Variants in SI observed in about 807,000 individuals in gnomAD.
SI encodes the protein sucrase-isomaltase.
Under a neutral mutation model 253.3 loss-of-function variants are expected in SI, and 235 were observed. The ratio of observed to expected loss-of-function variants is 0.93; its 90% CI spans 0.83 to 1.03. SI has a LOEUF of 1.03. Among genes scored for constraint, SI ranks in the 50% least tolerant of loss-of-function variants. SI has a pLI of 0.00. For synonymous variants in SI, 819 were observed against 712.0 expected, an observed-to-expected ratio of 1.15 and a Z score of -2.39; for missense variants, 2,442 against 2,211.1, an observed-to-expected ratio of 1.10 and a Z score of -2.09.
intron 13 of SI, among the ~76,000 whole-genome samples, chr3:165,050,259 GA>G (rs372223270): frequency 1.6e-3 from 238 of 152,202 alleles, no homozygotes; most frequent in African/African-American, 5.3e-3. Flanking sequence ...TAGTTTCTAT[GA>G]TGTGCTAAGC....
intron 15 of SI, 50 bp downstream of exon 15, chr3:165,049,077 A>G: frequency 9.7e-7 from 1 of 1,031,942 alleles, no homozygotes; most frequent in Non-Finnish European, 1.5e-6. Context: ...TATCAAAAAC[A>G]TTTTTAAGCA....
chr3:165,073,550 G>C (rs930177498), intron 3 of SI, among the ~76,000 whole-genome samples: 1 of 151,940 alleles, frequency 6.6e-6, no homozygotes, highest in Admixed American at 6.6e-5. Context: ...AAATTTTATA[G>C]TTTATTCAGT....
intron 13 of SI, among the ~76,000 whole-genome samples, chr3:165,054,989 C>T (rs1327811383): frequency 1.3e-5 from 2 of 151,934 alleles, no homozygotes; most frequent in Non-Finnish European, 2.9e-5. Flanking sequence ...AAAGAAAAAC[C>T]TTGATTGGCA....
At position 165,058,965 on chromosome 3, in the gene SI, C is replaced by T. The variant is rs755002054; in HGVS notation, c.1396G>A (p.Glu466Lys). The change falls in exon 12 of 48, where the codon GAG becomes AAG. Residue 466 changes from glutamate (E) to lysine (K), a missense_variant and splice_region_variant. Physicochemically the swap from Glu to Lys is moderately conservative, Grantham distance 56. Transcript: ENST00000264382. ...ESDGSTPIIG[E>K]VWPGLTVYPD... ...TTTTAATAAATATCATATTTTACCT[C>T]TCCAATAATTGGTGTACTTCCATCT... The T allele has an allele frequency of 6.2e-7, 1 of 1,610,498 alleles. No homozygotes were observed. The highest frequency in any genetic ancestry group is 8.5e-7 in the Non-Finnish European group (1 of 1,177,508).
At chr3:165,062,937 T>A (rs9812124) in intron 8 of SI, among the ~76,000 whole-genome samples, 88,690 of 151,918 alleles carry the variant, frequency 0.58, 26,269 homozygotes, top group East Asian at 0.82. Flanking sequence ...TGGAAAACCA[T>A]GTAATAAACT....
At chr3:165,025,007 A>G (rs1711831116) in intron 25 of SI, among the ~76,000 whole-genome samples, 1 of 151,200 alleles carries the variant, frequency 6.6e-6, no homozygotes, top group Non-Finnish European at 1.5e-5. Flanking sequence ...TCCATTCTAA[A>G]TGCTTTGTTC....
At chr3:165,029,593 T>C (rs957173128) in intron 25 of SI, among the ~76,000 whole-genome samples, 3 of 145,574 alleles carry the variant, frequency 2.1e-5, no homozygotes, top group Non-Finnish European at 4.6e-5. Flanking sequence ...TATATATGTA[T>C]ATATATACAT....
chr3:165,013,382 T>A (rs2108167487), intron 33 of SI, among the ~76,000 whole-genome samples: 1 of 152,222 alleles, frequency 6.6e-6, no homozygotes, highest in Non-Finnish European at 1.5e-5. Flanking sequence ...TATATTAGAA[T>A]TATTTGTAGA....
chr3:165,041,463 C>A (rs572586829), intron 17 of SI, among the ~76,000 whole-genome samples: 9 of 152,030 alleles, frequency 5.9e-5, no homozygotes, highest in East Asian at 1.9e-4. Context: ...GGGTGCCTAC[C>A]CAAGCTTCGA....
chr3:165,070,321 TATA>T (rs1043068599), intron 3 of SI, among the ~76,000 whole-genome samples: 1 of 139,968 alleles, frequency 7.1e-6, no homozygotes, highest in African/African-American at 2.6e-5. Flanking sequence ...ACATATATTA[TATA>T]TATAAAATCT....
chr3:165,086,431 C>G, the SI span, among the ~76,000 whole-genome samples: 5 of 152,154 alleles, frequency 3.3e-5, no homozygotes, highest in Non-Finnish European at 7.4e-5. Flanking sequence ...TCAAGACATG[C>G]TTTAATGAGA....
intron 44 of SI, among the ~76,000 whole-genome samples, chr3:164,989,374 A>AAGAG (rs1717602327): frequency 3.3e-5 from 2 of 60,188 alleles, no homozygotes; most frequent in Non-Finnish European, 8.2e-5. Flanking sequence ...GAAAGAAAGG[A>AAGAG]AGAAAGAAAG....
chr3:165,025,845 A>T (rs1490929350), intron 25 of SI, among the ~76,000 whole-genome samples: 2 of 151,410 alleles, frequency 1.3e-5, no homozygotes, highest in East Asian at 3.9e-4. Context: ...AGGAGCTCTA[A>T]ATCTTGAAAC....
chr3:165,088,917 C>A, the SI span, among the ~76,000 whole-genome samples: 1 of 151,806 alleles, frequency 6.6e-6, no homozygotes, highest in Non-Finnish European at 1.5e-5. Context: ...ACTATAAAAT[C>A]AATATTGCTT....
At position 165,021,230 on chromosome 3, in the gene SI, T is replaced by G. The variant is rs1366812988; in HGVS notation, c.3253A>C (p.Ile1085Leu). 6.2e-7 allele frequency: 1 copy of G among 1,609,670 alleles called. No individual in the cohort carries two copies. Among genetic ancestry groups the G allele is most frequent in the South Asian group, 1.1e-5 (1 of 91,022 alleles). ...ATATCAAATAATTCAATTACTTACA[T>G]GACTCTTCCACTGCTTCTCCGTCGA... Reference protein sequence around the residue: ...QIRRRSSGRVIWDSWLPGFAF... With the variant: ...QIRRRSSGRVLWDSWLPGFAF... Residue 1085 changes from isoleucine to leucine, a missense_variant and splice_region_variant, in exon 27 of 48, where the codon ATT becomes CTT. Transcript: ENST00000264382.
At chr3:165,075,812 A>AT (rs1209740543) in intron 2 of SI, 83 bp downstream of exon 2, 25 of 861,356 alleles carry the variant, frequency 2.9e-5, no homozygotes, top group Non-Finnish European at 4.3e-5. Context: ...TACACAGATT[A>AT]TTTTTTAAAA....
At chr3:165,042,312 A>G (rs2108221214) in intron 17 of SI, among the ~76,000 whole-genome samples, 1 of 152,178 alleles carries the variant, frequency 6.6e-6, no homozygotes, top group South Asian at 2.1e-4. Context: ...GGCTGAGCTC[A>G]GTAGTTGTCC....
chr3:165,069,027 G>C, intron 4 of SI, 51 bp downstream of exon 4: 1 of 1,268,822 alleles, frequency 7.9e-7, no homozygotes, highest in Non-Finnish European at 1.2e-6. Flanking sequence ...CCACATTTTC[G>C]CTCCAGTTAG....
At chr3:165,073,143 T>G (rs952727985) in intron 3 of SI, among the ~76,000 whole-genome samples, 1 of 151,550 alleles carries the variant, frequency 6.6e-6, no homozygotes, top group Non-Finnish European at 1.5e-5. Context: ...TTGTTCCTAA[T>G]AGAATTCTAT....
Sources: gnomAD v4.1 joint callset for allele counts (sites outside exome capture counted in the v4.1 genomes callset) on GRCh38, gnomAD v4.1.1 for gene constraint, MANE v1.5 for transcripts, NCBI Gene and HGNC (gene_info 2026-07-23, HGNC 2026-07-21) for gene names.